RBFOX1: variants seen among roughly 807,000 people sequenced by gnomAD.
RBFOX1 encodes the protein RNA binding protein fox-1 homolog 1.
RBFOX1 carries 8 observed loss-of-function variants against 57.7 expected under a neutral mutation model. That is an observed-to-expected ratio of 0.14 (90% CI 0.08 to 0.25). The LOEUF is 0.25. Among genes scored for constraint, RBFOX1 ranks in the 10% least tolerant of loss-of-function variants. The pLI, the probability that RBFOX1 is intolerant of heterozygous loss-of-function variation, is 1.00. For missense variants in RBFOX1, 611 were observed against 548.5 expected, an observed-to-expected ratio of 1.11 and a Z score of -1.14; for synonymous variants, 326 against 222.4, an observed-to-expected ratio of 1.47 and a Z score of -4.15.
intron 1 of RBFOX1, among the ~76,000 whole-genome samples, chr16:5,452,924 G>A (rs138759258): frequency 0.014 from 2,062 of 152,186 alleles, 17 homozygotes; most frequent in Middle Eastern, 0.027. Context: ...GAACCACCAC[G>A]CTCTGCGAAA....
intron 2 of RBFOX1, among the ~76,000 whole-genome samples, chr16:6,417,070 G>C (rs1004970350): frequency 3.9e-5 from 6 of 152,056 alleles, no homozygotes; most frequent in Non-Finnish European, 8.8e-5. Flanking sequence ...AAAGTACAAT[G>C]GTGCAGTCTT....
At chr16:7,206,347 A>G (rs1403739775) in intron 4 of RBFOX1, among the ~76,000 whole-genome samples, 1 of 151,990 alleles carries the variant, frequency 6.6e-6, no homozygotes, top group Non-Finnish European at 1.5e-5. Flanking sequence ...TGCCTTGCCA[A>G]GTAAGCCTAA....
At chr16:6,360,078 A>C (rs761874040) in intron 2 of RBFOX1, among the ~76,000 whole-genome samples, 1 of 152,190 alleles carries the variant, frequency 6.6e-6, no homozygotes, top group Non-Finnish European at 1.5e-5. Context: ...TCTGAGCAGC[A>C]TTCAATTTCG....
chr16:7,268,607 C>G (rs1456543426), intron 4 of RBFOX1, among the ~76,000 whole-genome samples: 2 of 152,122 alleles, frequency 1.3e-5, no homozygotes, highest in Non-Finnish European at 1.5e-5. Flanking sequence ...AGTTGGTGGC[C>G]AAGTTGTCTT....
intron 6 of RBFOX1, among the ~76,000 whole-genome samples, chr16:7,585,587 T>G (rs1404164968): frequency 1.3e-5 from 2 of 152,242 alleles, no homozygotes; most frequent in African/African-American, 4.8e-5. Flanking sequence ...GTATGGGTCC[T>G]GAGGAACGGG....
chr16:7,540,560 C>T (rs960770650), intron 5 of RBFOX1, among the ~76,000 whole-genome samples: 1 of 152,216 alleles, frequency 6.6e-6, no homozygotes, highest in Non-Finnish European at 1.5e-5. Flanking sequence ...CAGGTTTATA[C>T]AACACATCTG....
intron 3 of RBFOX1, among the ~76,000 whole-genome samples, chr16:5,677,443 G>A (rs989111468): frequency 4.6e-5 from 7 of 152,114 alleles, no homozygotes; most frequent in African/African-American, 1.4e-4. Context: ...TAGATAAATG[G>A]GCATGTAGGT....
At chr16:7,392,281 C>T (rs2098043760) in intron 4 of RBFOX1, among the ~76,000 whole-genome samples, 2 of 152,140 alleles carry the variant, frequency 1.3e-5, no homozygotes, top group African/African-American at 4.8e-5. Context: ...CTGTAGTCCC[C>T]TTGTATAGCA....
intron 3 of RBFOX1, among the ~76,000 whole-genome samples, chr16:6,975,912 G>C (rs921969290): frequency 3.9e-5 from 6 of 152,054 alleles, no homozygotes; most frequent in African/African-American, 4.8e-5. Flanking sequence ...GGTCACTTGA[G>C]GTCAGGAGTT....
intron 2 of RBFOX1, among the ~76,000 whole-genome samples, chr16:6,451,704 C>T (rs1272416989): frequency 1.3e-5 from 2 of 152,190 alleles, no homozygotes; most frequent in East Asian, 1.9e-4. Context: ...CAGGTGTCCC[C>T]TCCTGTGTTT....
chr16:7,522,005 C>A (rs537251686), intron 5 of RBFOX1, among the ~76,000 whole-genome samples: 1 of 152,122 alleles, frequency 6.6e-6, no homozygotes, highest in South Asian at 2.1e-4. Context: ...TAAGCCCTCT[C>A]GTGGGAATCA....
chr16:5,395,593 G>A (rs567089981), intron 1 of RBFOX1, among the ~76,000 whole-genome samples: 166 of 152,254 alleles, frequency 1.1e-3, no homozygotes, highest in Admixed American at 9.4e-3. Context: ...ACGTTCAGGT[G>A]GTCCTTAGGA....
At chr16:5,274,528 TA>T (rs1567266194) in intron 1 of RBFOX1, among the ~76,000 whole-genome samples, 2 of 152,186 alleles carry the variant, frequency 1.3e-5, no homozygotes, top group South Asian at 2.1e-4. Flanking sequence ...GACTGGGTCT[TA>T]AAACTAAACA....
intron 1 of RBFOX1, among the ~76,000 whole-genome samples, chr16:5,370,892 G>C (rs901490772): frequency 6.6e-6 from 1 of 152,182 alleles, no homozygotes; most frequent in Non-Finnish European, 1.5e-5. Context: ...TTTCCCTGTT[G>C]TTATGAACTG....
chr16:6,803,679 T>C (rs757313686), intron 3 of RBFOX1, among the ~76,000 whole-genome samples: 1 of 152,190 alleles, frequency 6.6e-6, no homozygotes, highest in Non-Finnish European at 1.5e-5. Context: ...TGAACAAATA[T>C]GCAGATATTT....
At chr16:6,812,701 TGTG>T (rs1387242614) in intron 3 of RBFOX1, among the ~76,000 whole-genome samples, 1 of 152,112 alleles carries the variant, frequency 6.6e-6, no homozygotes, top group Non-Finnish European at 1.5e-5. Context: ...AATGCCTAAA[TGTG>T]GTCTAAATCT....
chr16:6,381,117 A>G (rs2091768077), intron 2 of RBFOX1, among the ~76,000 whole-genome samples: 1 of 152,198 alleles, frequency 6.6e-6, no homozygotes, highest in Non-Finnish European at 1.5e-5. Context: ...ATGGGAGACA[A>G]AAGAATTTGT....
At chr16:5,780,386 A>G (rs1247311023) in intron 3 of RBFOX1, among the ~76,000 whole-genome samples, 2 of 152,328 alleles carry the variant, frequency 1.3e-5, no homozygotes, top group East Asian at 3.9e-4. Context: ...AATGAGATAA[A>G]TTTTATTCAT....
rs183160982 is a variant in RBFOX1, at chr16:7,098,052, G to T, written c.27+45954G>T. On this transcript the variant is annotated intron_variant, in intron 4 of 15. Coordinates refer to ENST00000550418, the MANE Select transcript of RBFOX1 (RefSeq NM_018723.4). ...GATGGAGTATTCAAGTAAAGCCAGT[G>T]TTGTCAATATGCTAACTTAAAAGGC... Among the ~76,000 whole-genome samples, 312 of 152,324 alleles carry T rather than the reference G, an allele frequency of 2.0e-3. 4 individuals carry two copies. The highest frequency in any genetic ancestry group is 0.017 in the Middle Eastern group (5 of 294).
Sources: gnomAD v4.1 joint callset for allele counts (sites outside exome capture counted in the v4.1 genomes callset) on GRCh38, gnomAD v4.1.1 for gene constraint, MANE v1.5 for transcripts, NCBI Gene and HGNC (gene_info 2026-07-23, HGNC 2026-07-21) for gene names.